Variants in ASIC2 observed in about 807,000 individuals in gnomAD.
The protein encoded by ASIC2 is acid sensing ion channel subunit 2, also known as acid-sensing ion channel 2.
In ASIC2, 25 loss-of-function variants were observed where a neutral mutation model predicts 57.3. That is an observed-to-expected ratio of 0.44 (90% confidence interval 0.32 to 0.61). The LOEUF is 0.61. Ranked by LOEUF, ASIC2 falls within the 20% of genes least tolerant of loss-of-function variation. The probability of loss-of-function intolerance (pLI) is 0.06; values close to 1 mark genes in which losing one functional copy is unlikely to be tolerated. For synonymous variants in ASIC2, 319 were observed against 307.5 expected, an observed-to-expected ratio of 1.04 and a Z score of -0.39; for missense variants, 641 against 738.1, an observed-to-expected ratio of 0.87 and a Z score of 1.52.
At chr17:33,948,951 T>A (rs1904471746) in intron 1 of ASIC2, among the ~76,000 whole-genome samples, 1 of 152,160 alleles carries the variant, frequency 6.6e-6, no homozygotes, top group East Asian at 1.9e-4. Context: ...AACTACTCAA[T>A]TTTTTCACTG....
intron 1 of ASIC2, among the ~76,000 whole-genome samples, chr17:33,157,833 C>G (rs543257949): frequency 4.8e-4 from 73 of 152,322 alleles, no homozygotes; most frequent in South Asian, 4.1e-3. Flanking sequence ...CACTCTAAGT[C>G]AAAGCCACAT....
chr17:33,620,300 G>A (rs1453075020), intron 1 of ASIC2, among the ~76,000 whole-genome samples: 4 of 148,418 alleles, frequency 2.7e-5, no homozygotes, highest in Non-Finnish European at 5.9e-5. Flanking sequence ...CTATTAATAC[G>A]GCCAAAAAGC....
intron 1 of ASIC2, among the ~76,000 whole-genome samples, chr17:33,391,395 C>T (rs1447652212): frequency 6.6e-6 from 1 of 152,232 alleles, no homozygotes; most frequent in East Asian, 1.9e-4. Flanking sequence ...GTCAAGCATT[C>T]AATCATGAGT....
intron 1 of ASIC2, among the ~76,000 whole-genome samples, chr17:33,424,567 T>C (rs1911152783): frequency 6.6e-6 from 1 of 152,216 alleles, no homozygotes; most frequent in Admixed American, 6.5e-5. Flanking sequence ...GAAGCTAATG[T>C]CTTTATCTGG....
intron 1 of ASIC2, among the ~76,000 whole-genome samples, chr17:33,198,906 C>T (rs1906747032): frequency 6.6e-6 from 1 of 152,222 alleles, no homozygotes; most frequent in Admixed American, 6.5e-5. Flanking sequence ...AACCGTCCTG[C>T]TTGGAGACCT....
chr17:34,058,599 C>T (rs576896999), intron 1 of ASIC2, among the ~76,000 whole-genome samples: 48 of 152,306 alleles, frequency 3.2e-4, no homozygotes, highest in Non-Finnish European at 5.3e-4. Context: ...TCCTTGAAAC[C>T]TCCTTCTCTT....
chr17:33,404,160 T>C (rs563892786), intron 1 of ASIC2, among the ~76,000 whole-genome samples: 30 of 152,310 alleles, frequency 2.0e-4, no homozygotes, highest in Non-Finnish European at 3.5e-4. Flanking sequence ...GCATGCTTAG[T>C]GGTTGCTAGA....
chr17:33,521,424 C>T lies in ASIC2; in HGVS notation c.556-409357G>A, dbSNP rs1914738824. ...GCACACAGGGACACAAGAGGTACAGCAGCCATGGTGACTGTAGGGCAGGGA... is the reference window on the plus strand; with the variant it reads ...GCACACAGGGACACAAGAGGTACAGTAGCCATGGTGACTGTAGGGCAGGGA... On this transcript the variant is annotated intron_variant, in intron 1 of 9. Transcript: ENST00000359872. Among the ~76,000 whole-genome samples the T allele has an allele frequency of 1.3e-5, 2 of 152,208 alleles. 1 individual carries two copies. Among genetic ancestry groups the T allele is most frequent in the South Asian group, 4.1e-4 (2 of 4,828 alleles).
intron 1 of ASIC2, among the ~76,000 whole-genome samples, chr17:34,081,384 C>A (rs1051540800): frequency 6.6e-6 from 1 of 152,192 alleles, no homozygotes. Flanking sequence ...AGAAACAAGA[C>A]ATTATTTCTT....
intron 1 of ASIC2, among the ~76,000 whole-genome samples, chr17:33,447,066 T>G (rs1330570836): frequency 6.6e-6 from 1 of 152,140 alleles, no homozygotes; most frequent in Non-Finnish European, 1.5e-5. Context: ...CTAAACAAAT[T>G]TATGGTGTTT....
chr17:33,056,485 A>C (rs2091998516), intron 3 of ASIC2, among the ~76,000 whole-genome samples: 1 of 152,022 alleles, frequency 6.6e-6, no homozygotes, highest in African/African-American at 2.4e-5. Context: ...AGCCTTCTTT[A>C]GGGAATAGAC....
intron 1 of ASIC2, among the ~76,000 whole-genome samples, chr17:33,147,754 CAAG>C (rs1166062893): frequency 6.6e-6 from 1 of 152,190 alleles, no homozygotes; most frequent in African/African-American, 2.4e-5. Flanking sequence ...GCAGGGGAAG[CAAG>C]GAGACTAACA....
At chr17:33,891,549 C>T (rs982918165) in intron 1 of ASIC2, among the ~76,000 whole-genome samples, 1 of 152,146 alleles carries the variant, frequency 6.6e-6, no homozygotes, top group Non-Finnish European at 1.5e-5. Context: ...AGGTTTCAGG[C>T]CCAGAAAAAA....
At chr17:33,131,494 C>T (rs1411085778) in intron 1 of ASIC2, 1 of 152,224 alleles carries the variant, frequency 6.6e-6, no homozygotes, top group Non-Finnish European at 1.5e-5. Flanking sequence ...GGCTTGTGAC[C>T]CTATCCTAGC....
intron 1 of ASIC2, among the ~76,000 whole-genome samples, chr17:33,254,243 G>C (rs931316836): frequency 2.0e-5 from 3 of 151,986 alleles, no homozygotes; most frequent in African/African-American, 7.2e-5. Context: ...GGGAACACTG[G>C]TCCAGGACTT....
At chr17:33,084,437 C>T (rs1371833958) in intron 3 of ASIC2, among the ~76,000 whole-genome samples, 2 of 152,228 alleles carry the variant, frequency 1.3e-5, no homozygotes, top group African/African-American at 4.8e-5. Flanking sequence ...AGAGAGTCTT[C>T]CTGAGTTACA....
intron 1 of ASIC2, among the ~76,000 whole-genome samples, chr17:33,433,274 T>A (rs1432572962): frequency 1.3e-5 from 2 of 152,212 alleles, no homozygotes; most frequent in Non-Finnish European, 2.9e-5. Context: ...CTGGAGGCCA[T>A]CATCCTTAGC....
intron 1 of ASIC2, among the ~76,000 whole-genome samples, chr17:33,898,218 A>ATCTTTTTT (rs1915146229): frequency 1.5e-5 from 1 of 67,828 alleles, no homozygotes; most frequent in African/African-American, 5.9e-5. Context: ...TTCATGTATA[A>ATCTTTTTT]TCTTTTTTTT....
chr17:33,162,445 G>A (rs889750172), intron 1 of ASIC2, among the ~76,000 whole-genome samples: 1 of 152,158 alleles, frequency 6.6e-6, no homozygotes, highest in Non-Finnish European at 1.5e-5. Context: ...TCCTAAACAA[G>A]CAACAAATAT....
Sources: allele counts gnomAD v4.1 joint callset (sites outside exome capture counted in the v4.1 genomes callset), GRCh38; gene constraint gnomAD v4.1.1; transcripts MANE v1.5; gene names NCBI Gene and HGNC (gene_info 2026-07-23, HGNC 2026-07-21).